CTNNA2: variants seen among roughly 807,000 people sequenced by gnomAD.
The protein encoded by CTNNA2 is catenin alpha 2, also known as catenin alpha-2.
In CTNNA2, 42 loss-of-function variants were observed where a neutral mutation model predicts 101.0. That is an observed-to-expected ratio of 0.42 (90% CI 0.32 to 0.54). The LOEUF is 0.54. Ranked by LOEUF, CTNNA2 falls within the 20% of genes least tolerant of loss-of-function variation. CTNNA2 has a pLI of 0.14. For missense variants in CTNNA2, 871 were observed against 1,223.1 expected, an observed-to-expected ratio of 0.71 and a Z score of 4.29; for synonymous variants, 450 against 456.4, an observed-to-expected ratio of 0.99 and a Z score of 0.18.
chr2:79,737,889 C>A (rs1671013198), intron 2 of CTNNA2, among the ~76,000 whole-genome samples: 1 of 152,160 alleles, frequency 6.6e-6, no homozygotes. Flanking sequence ...TGCCTTGATG[C>A]CCTATTGCCT....
intron 7 of CTNNA2, among the ~76,000 whole-genome samples, chr2:80,016,764 G>A (rs1465232764): frequency 6.6e-6 from 1 of 152,116 alleles, no homozygotes; most frequent in African/African-American, 2.4e-5. Flanking sequence ...AAGGCCCAGT[G>A]AGACATTTGT....
chr2:79,374,035 T>G (rs1677929991), intron 4 of CTNNA2: 1 of 152,306 alleles, frequency 6.6e-6, no homozygotes, highest in South Asian at 2.1e-4. Context: ...TTAACTTATC[T>G]CATTCAAGCT....
chr2:79,829,343 C>T (rs536312383), intron 3 of CTNNA2, among the ~76,000 whole-genome samples: 6 of 143,230 alleles, frequency 4.2e-5, no homozygotes, highest in Non-Finnish European at 7.5e-5. Flanking sequence ...ATGGTGAAAC[C>T]CCGTCTCAAC....
chr2:80,479,945 G>T (rs1311629877), intron 9 of CTNNA2, among the ~76,000 whole-genome samples: 1 of 152,098 alleles, frequency 6.6e-6, no homozygotes, highest in Non-Finnish European at 1.5e-5. Context: ...CATTATGAAT[G>T]TATGTAAGTA....
chr2:80,184,827 C>T (rs574089758), intron 7 of CTNNA2, among the ~76,000 whole-genome samples: 8 of 152,232 alleles, frequency 5.3e-5, no homozygotes, highest in African/African-American at 1.9e-4. Flanking sequence ...GTAATTTCTT[C>T]GCTAATGCAA....
intron 1 of CTNNA2, among the ~76,000 whole-genome samples, chr2:79,585,072 T>C (rs961349616): frequency 1.3e-5 from 2 of 152,202 alleles, no homozygotes; most frequent in African/African-American, 4.8e-5. Flanking sequence ...CATTTCTGTA[T>C]ACATAGTTTA....
At chr2:80,196,795 A>T (rs1706861985) in intron 7 of CTNNA2, among the ~76,000 whole-genome samples, 1 of 152,192 alleles carries the variant, frequency 6.6e-6, no homozygotes, top group African/African-American at 2.4e-5. Flanking sequence ...AATACGAAAG[A>T]TCACTTTAAA....
chr2:80,052,676 TGAA>T (rs2104338768), intron 7 of CTNNA2, among the ~76,000 whole-genome samples: 1 of 152,366 alleles, frequency 6.6e-6, no homozygotes, highest in East Asian at 1.9e-4. Context: ...ATTTAGTAAC[TGAA>T]GTAGTGTAAC....
At chr2:79,894,045 TTCTTCTTCTTCTTCTTCTTCC>T (rs1181063043) in intron 6 of CTNNA2, among the ~76,000 whole-genome samples, 3 of 121,566 alleles carry the variant, frequency 2.5e-5, no homozygotes, top group Non-Finnish European at 5.9e-5. Context: ...CTTCTTCTTC[TTCTTCTTCTTCTTCTTCTTCC>T]TCCTCCTCCT....
At chr2:80,147,155 G>A (rs946164443) in intron 7 of CTNNA2, among the ~76,000 whole-genome samples, 3 of 151,842 alleles carry the variant, frequency 2.0e-5, no homozygotes, top group African/African-American at 7.3e-5. Context: ...TAGTAGAGAT[G>A]GGATTTCACT....
intron 9 of CTNNA2, among the ~76,000 whole-genome samples, chr2:80,527,993 A>G (rs1028176107): frequency 2.0e-5 from 3 of 152,134 alleles, no homozygotes; most frequent in Non-Finnish European, 4.4e-5. Flanking sequence ...TGTGCATCCA[A>G]ATTTATGAAT....
chr2:79,380,827 T>A (rs1678030010), intron 4 of CTNNA2, among the ~76,000 whole-genome samples: 1 of 152,210 alleles, frequency 6.6e-6, no homozygotes, highest in Non-Finnish European at 1.5e-5. Flanking sequence ...TTTCTTCTGC[T>A]ATAACATTGC....
intron 3 of CTNNA2, among the ~76,000 whole-genome samples, chr2:79,325,450 T>C (rs1304988371): frequency 1.3e-5 from 2 of 152,190 alleles, no homozygotes; most frequent in Admixed American, 1.3e-4. Flanking sequence ...ATTTCGGGAT[T>C]TCTTCAAATA....
intron 2 of CTNNA2, among the ~76,000 whole-genome samples, chr2:79,210,088 T>TTGTGTGTG (rs59836500): frequency 4.5e-4 from 65 of 144,880 alleles, no homozygotes; most frequent in African/African-American, 7.8e-4. Flanking sequence ...TCAAGCTATA[T>TTGTGTGTG]TGTGTGTGTG....
intron 3 of CTNNA2, among the ~76,000 whole-genome samples, chr2:79,853,049 G>A (rs1680850901): frequency 6.6e-6 from 1 of 151,790 alleles, no homozygotes; most frequent in Non-Finnish European, 1.5e-5. Flanking sequence ...TGTATTTTTA[G>A]TAGAGACACA....
intron 2 of CTNNA2, among the ~76,000 whole-genome samples, chr2:79,207,742 A>G (rs1031134195): frequency 4.1e-4 from 62 of 152,280 alleles, no homozygotes; most frequent in African/African-American, 1.4e-3. Context: ...AATCTCTCTT[A>G]GTTTGTAAAA....
intron 2 of CTNNA2, among the ~76,000 whole-genome samples, chr2:79,716,103 A>G (rs1372923731): frequency 2.0e-5 from 3 of 152,082 alleles, no homozygotes; most frequent in African/African-American, 7.2e-5. Flanking sequence ...TAGATGACGT[A>G]GTGAACTAAT....
intron 7 of CTNNA2, among the ~76,000 whole-genome samples, chr2:80,291,530 A>G (rs911719817): frequency 6.6e-6 from 1 of 152,244 alleles, no homozygotes; most frequent in East Asian, 1.9e-4. Context: ...GCATCCAACT[A>G]TGGCTGTGAT....
At chr2:80,513,286 G>C (rs1418938230) in intron 9 of CTNNA2, among the ~76,000 whole-genome samples, 1 of 152,124 alleles carries the variant, frequency 6.6e-6, no homozygotes, top group Non-Finnish European at 1.5e-5. Context: ...CCTTCCTTCA[G>C]TTTTTTCCTC....
Sources: allele counts gnomAD v4.1 joint callset (sites outside exome capture counted in the v4.1 genomes callset), GRCh38; gene constraint gnomAD v4.1.1; transcripts MANE v1.5; gene names NCBI Gene and HGNC (gene_info 2026-07-23, HGNC 2026-07-21).